The following RAB3C variants were observed in gnomAD, a reference collection of about 807,000 sequenced individuals.
RAB3C encodes the protein ras-related protein Rab-3C.
A neutral mutation model predicts 26.4 loss-of-function variants in RAB3C; 17 were observed. That is an observed-to-expected ratio of 0.64 (90% CI 0.44 to 0.97). The LOEUF is 0.97. Among genes scored for constraint, RAB3C ranks in the 50% least tolerant of loss-of-function variants. RAB3C has a pLI of 0.00. For missense variants in RAB3C, 242 were observed against 281.9 expected (o/e 0.86, Z 1.01); for synonymous variants, 91 against 95.9 (o/e 0.95, Z 0.30).
chr5:58,781,934 A>AT (rs906621347), intron 3 of RAB3C, among the ~76,000 whole-genome samples: 6 of 151,752 alleles, frequency 4.0e-5, no homozygotes, highest in East Asian at 1.9e-4. Flanking sequence ...TTCTACATAA[A>AT]TTTTTTTTTG....
At chr5:58,764,376 T>C (rs1025821981) in intron 3 of RAB3C, among the ~76,000 whole-genome samples, 1 of 152,202 alleles carries the variant, frequency 6.6e-6, no homozygotes, top group Non-Finnish European at 1.5e-5. Context: ...TGCTTTGTTC[T>C]AGAGGCAAGG....
At chr5:58,664,172 C>T (rs1361123885) in intron 2 of RAB3C, among the ~76,000 whole-genome samples, 1 of 152,088 alleles carries the variant, frequency 6.6e-6, no homozygotes, top group African/African-American at 2.4e-5. Flanking sequence ...TCTGTACGTA[C>T]GTATTTATAA....
At chr5:58,812,238 G>C (rs2112041406) in intron 3 of RAB3C, among the ~76,000 whole-genome samples, 1 of 152,096 alleles carries the variant, frequency 6.6e-6, no homozygotes, top group South Asian at 2.1e-4. Context: ...ACAGCCCAAG[G>C]TCATAAAAGG....
At chr5:58,684,135 A>G (rs1157876366) in intron 2 of RAB3C, among the ~76,000 whole-genome samples, 3 of 152,200 alleles carry the variant, frequency 2.0e-5, no homozygotes, top group Non-Finnish European at 4.4e-5. Flanking sequence ...TACCGTTATC[A>G]TTATTCTCTA....
At chr5:58,590,631 CTCCTGGG>C (rs1227442964) in intron 1 of RAB3C, among the ~76,000 whole-genome samples, 2 of 152,154 alleles carry the variant, frequency 1.3e-5, no homozygotes, top group Non-Finnish European at 2.9e-5. Context: ...CAATCTCTAC[CTCCTGGG>C]TTCAAGCGAT....
intron 3 of RAB3C, among the ~76,000 whole-genome samples, chr5:58,756,264 C>T (rs895893065): frequency 1.4e-5 from 2 of 148,098 alleles, no homozygotes; most frequent in African/African-American, 4.9e-5. Context: ...TTACGCCAAA[C>T]ATCAGTGCAT....
At chr5:58,620,212 A>G (rs575251955) in intron 2 of RAB3C, among the ~76,000 whole-genome samples, 1 of 152,282 alleles carries the variant, frequency 6.6e-6, no homozygotes, top group African/African-American at 2.4e-5. Flanking sequence ...ACTTTCCCCC[A>G]TCGTCAGTCA....
chr5:58,810,731 G>C (rs1743057285), intron 3 of RAB3C, among the ~76,000 whole-genome samples: 1 of 152,030 alleles, frequency 6.6e-6, no homozygotes, highest in African/African-American at 2.4e-5. Flanking sequence ...TCAGTAACTG[G>C]GACTACAGGC....
chr5:58,683,366 A>C (rs999409414), intron 2 of RAB3C, among the ~76,000 whole-genome samples: 6 of 139,500 alleles, frequency 4.3e-5, no homozygotes, highest in African/African-American at 1.4e-4. Flanking sequence ...CTGTTTAAAA[A>C]TAAAGTTATC....
rs529188657 is a variant in RAB3C, at chr5:58,599,504, C to G, written c.24+16272C>G. 1.8e-4 allele frequency among the ~76,000 whole-genome samples: 27 copies of G among 152,234 alleles called. No individual in the cohort carries two copies. In the South Asian group the frequency reaches 4.3e-3, roughly 25 times the overall value. On this transcript the variant is annotated intron_variant, in intron 1 of 4. Transcript: ENST00000282878. ...CAGCAGACCTTGCTTACAATCCTCT[C>G]TCTGTGTTCTGGGGTTCTCCTTTAC...
chr5:58,775,820 G>A (rs1182337253), intron 3 of RAB3C, among the ~76,000 whole-genome samples: 37 of 152,044 alleles, frequency 2.4e-4, no homozygotes, highest in Admixed American at 2.4e-3. Context: ...TCCGGGCTTC[G>A]GTCTGGTGCT....
chr5:58,691,300 T>G (rs1748566389), intron 2 of RAB3C, among the ~76,000 whole-genome samples: 2 of 152,184 alleles, frequency 1.3e-5, no homozygotes. Flanking sequence ...TGTTCATAAG[T>G]GGGCTGAGTT....
intron 2 of RAB3C, among the ~76,000 whole-genome samples, chr5:58,655,036 T>C (rs769650454): frequency 3.3e-5 from 5 of 152,166 alleles, no homozygotes; most frequent in Non-Finnish European, 5.9e-5. Flanking sequence ...TGATAGATAT[T>C]ATACAGAAAA....
intron 3 of RAB3C, among the ~76,000 whole-genome samples, chr5:58,766,119 C>A (rs1469357527): frequency 7.2e-6 from 1 of 138,446 alleles, no homozygotes; most frequent in Non-Finnish European, 1.6e-5. Context: ...TCAGGTAATT[C>A]TTTTTTTTTT....
At chr5:58,615,799 T>C (rs1746812422) in intron 1 of RAB3C, among the ~76,000 whole-genome samples, 1 of 152,164 alleles carries the variant, frequency 6.6e-6, no homozygotes, top group Non-Finnish European at 1.5e-5. Flanking sequence ...TAAAATGCAA[T>C]TTGAGTCTTT....
chr5:58,682,305 A>G (rs1748362120), intron 2 of RAB3C, among the ~76,000 whole-genome samples: 1 of 152,214 alleles, frequency 6.6e-6, no homozygotes. Context: ...TTTATCGTCA[A>G]ATAGCTTTTT....
chr5:58,740,146 C>G (rs754222058), intron 3 of RAB3C, among the ~76,000 whole-genome samples: 1 of 152,152 alleles, frequency 6.6e-6, no homozygotes, highest in Admixed American at 6.5e-5. Flanking sequence ...CCAGGCCAGG[C>G]AGGGGCCATG....
chr5:58,587,468 G>T (rs1352493688), intron 1 of RAB3C, among the ~76,000 whole-genome samples: 1 of 152,104 alleles, frequency 6.6e-6, no homozygotes, highest in Non-Finnish European at 1.5e-5. Context: ...TAGCAGGTCA[G>T]TCTATTACCA....
intron 4 of RAB3C, among the ~76,000 whole-genome samples, chr5:58,844,920 A>C (rs889742281): frequency 2.0e-5 from 3 of 152,090 alleles, no homozygotes; most frequent in African/African-American, 7.2e-5. Flanking sequence ...AGAACATCTC[A>C]TAAAAACAAA....
Sources: allele counts gnomAD v4.1 joint callset (sites outside exome capture counted in the v4.1 genomes callset), GRCh38; gene constraint gnomAD v4.1.1; transcripts MANE v1.5; gene names NCBI Gene and HGNC (gene_info 2026-07-23, HGNC 2026-07-21).